The following TLE1 variants were observed in gnomAD, a reference collection of about 807,000 sequenced individuals.
The protein encoded by TLE1 is transducin-like enhancer protein 1.
Under a neutral mutation model 89.8 loss-of-function variants are expected in TLE1, and 21 were observed. The observed-to-expected ratio is 0.23, with a 90% CI of 0.17 to 0.34. The LOEUF (loss-of-function observed/expected upper bound fraction) is 0.34. Ranked by LOEUF, TLE1 falls within the 10% of genes least tolerant of loss-of-function variation. The pLI, the probability that TLE1 is intolerant of heterozygous loss-of-function variation, is 1.00. For missense variants in TLE1, 795 were observed against 1,031.2 expected, an observed-to-expected ratio of 0.77 and a Z score of 3.14; for synonymous variants, 447 against 407.6, an observed-to-expected ratio of 1.10 and a Z score of -1.16.
chr9:81,624,263 T>C (rs1168572594), intron 8 of TLE1, among the ~76,000 whole-genome samples: 2 of 152,194 alleles, frequency 1.3e-5, no homozygotes, highest in African/African-American at 2.4e-5. Flanking sequence ...AATTTTTAAA[T>C]GAACATTTTA....
intron 16 of TLE1, among the ~76,000 whole-genome samples, chr9:81,588,144 C>T (rs144267549): frequency 2.1e-3 from 318 of 152,250 alleles, no homozygotes; most frequent in Middle Eastern, 6.8e-3. Context: ...CTTTCCAGGT[C>T]TGGAAAAGTG....
chr9:81,591,435 G>T (rs796457291), intron 15 of TLE1, among the ~76,000 whole-genome samples: 1 of 152,122 alleles, frequency 6.6e-6, no homozygotes, highest in Non-Finnish European at 1.5e-5. Context: ...TTCGGTCTTC[G>T]TTATGCTGAG....
At chr9:81,676,674 A>G (rs541259525) in intron 4 of TLE1, among the ~76,000 whole-genome samples, 1 of 152,284 alleles carries the variant, frequency 6.6e-6, no homozygotes, top group South Asian at 2.1e-4. Flanking sequence ...GGGGAAGTCA[A>G]AATTTAAAAG....
intron 14 of TLE1, among the ~76,000 whole-genome samples, chr9:81,604,722 C>T (rs1831409384): frequency 1.3e-5 from 2 of 152,106 alleles, no homozygotes; most frequent in Admixed American, 6.6e-5. Flanking sequence ...TCCCTCCTGC[C>T]CCAACTGAAC....
chr9:81,621,180 C>T (rs890450746), intron 8 of TLE1, among the ~76,000 whole-genome samples: 19 of 152,112 alleles, frequency 1.2e-4, no homozygotes, highest in Admixed American at 1.0e-3. Context: ...ATAGCAAGGC[C>T]AGCTCCCACA....
At chr9:81,617,248 A>G (rs1824657288) in intron 9 of TLE1, among the ~76,000 whole-genome samples, 1 of 152,184 alleles carries the variant, frequency 6.6e-6, no homozygotes, top group South Asian at 2.1e-4. Context: ...AAACCTTTTT[A>G]GCAATCAGCT....
chr9:81,616,185 C>T (rs1328929820), intron 10 of TLE1, 51 bp from the exon 11 acceptor site: 1 of 1,558,076 alleles, frequency 6.4e-7, no homozygotes. Context: ...AACAGACAGA[C>T]TTTTCCCTTT....
chr9:81,684,113 CTG>C (rs1442282611), intron 4 of TLE1, among the ~76,000 whole-genome samples: 2 of 150,342 alleles, frequency 1.3e-5, no homozygotes, highest in Admixed American at 6.7e-5. Context: ...TCCATAATAT[CTG>C]TTATCCAAAA....
At chr9:81,621,344 C>T (rs1255776411) in intron 8 of TLE1, among the ~76,000 whole-genome samples, 1 of 152,206 alleles carries the variant, frequency 6.6e-6, no homozygotes, top group Non-Finnish European at 1.5e-5. Context: ...CAATTCCCAT[C>T]TCCCCTCAGG....
chr9:81,624,158 AC>A (rs1361619124), intron 8 of TLE1, among the ~76,000 whole-genome samples: 1 of 152,182 alleles, frequency 6.6e-6, no homozygotes, highest in Non-Finnish European at 1.5e-5. Context: ...GTGACATAAT[AC>A]CTGACGCATG....
intron 7 of TLE1, chr9:81,633,805 A>C (rs1827016682): frequency 2.1e-6 from 1 of 482,126 alleles, no homozygotes. Context: ...TACCCAATTA[A>C]GCAGTTAACA....
At chr9:81,680,942 CA>C (rs199731120) in intron 4 of TLE1, among the ~76,000 whole-genome samples, 1 of 145,398 alleles carries the variant, frequency 6.9e-6, no homozygotes, top group African/African-American at 2.5e-5. Context: ...AAAAAAAAAA[CA>C]AAAAAAACAC....
intron 4 of TLE1, among the ~76,000 whole-genome samples, chr9:81,666,939 G>A (rs1349248064): frequency 6.6e-6 from 1 of 151,648 alleles, no homozygotes; most frequent in African/African-American, 2.4e-5. Flanking sequence ...GCAACATAGT[G>A]AGACCTCATT....
At chr9:81,646,851 G>A (rs985267169) in intron 6 of TLE1, among the ~76,000 whole-genome samples, 1 of 152,074 alleles carries the variant, frequency 6.6e-6, no homozygotes. Flanking sequence ...ATACTAAGTT[G>A]TTTTAAAATA....
At chr9:81,589,481 A>T (rs1829148012) in intron 16 of TLE1, among the ~76,000 whole-genome samples, 1 of 152,194 alleles carries the variant, frequency 6.6e-6, no homozygotes, top group African/African-American at 2.4e-5. Context: ...AAAGATTTGT[A>T]AGACGCTACC....
At chr9:81,649,813 C>T (rs1206282243) in intron 6 of TLE1, among the ~76,000 whole-genome samples, 1 of 152,114 alleles carries the variant, frequency 6.6e-6, no homozygotes, top group African/African-American at 2.4e-5. Context: ...GTGCAAAGGT[C>T]CACTGAATTG....
At chr9:81,673,294 A>C (rs77183706) in intron 4 of TLE1, among the ~76,000 whole-genome samples, 14 of 141,786 alleles carry the variant, frequency 9.9e-5, no homozygotes, top group East Asian at 8.4e-4. Context: ...AAAAAAAAAA[A>C]CAGACTGCCA....
intron 1 of TLE1, 144 bp downstream of exon 1, chr9:81,688,073 G>T: frequency 2.0e-6 from 2 of 1,003,612 alleles, no homozygotes; most frequent in Non-Finnish European, 3.0e-6. Flanking sequence ...ACCCCAGGAA[G>T]AGAGGGCCCC....
At chr9:81,603,054 C>A (rs1215191096) in intron 14 of TLE1, among the ~76,000 whole-genome samples, 4 of 152,188 alleles carry the variant, frequency 2.6e-5, no homozygotes, top group African/African-American at 9.7e-5. Context: ...AGTCATCTTA[C>A]TCTGTTCCAC....
Sources: gnomAD v4.1 joint callset for allele counts (sites outside exome capture counted in the v4.1 genomes callset) on GRCh38, gnomAD v4.1.1 for gene constraint, MANE v1.5 for transcripts, NCBI Gene and HGNC (gene_info 2026-07-23, HGNC 2026-07-21) for gene names.